The following MICOS10 variants were observed in gnomAD, a reference collection of about 807,000 sequenced individuals.
The protein encoded by MICOS10 is MICOS complex subunit MIC10.
In MICOS10, 5 loss-of-function variants were observed where a neutral mutation model predicts 13.4. That is an observed-to-expected ratio of 0.37 (90% CI 0.20 to 0.78). The LOEUF (loss-of-function observed/expected upper bound fraction) is 0.78. Ranked by LOEUF, MICOS10 falls within the 30% of genes least tolerant of loss-of-function variation. MICOS10 has a pLI of 0.47. For missense variants in MICOS10, 101 were observed against 94.6 expected, an observed-to-expected ratio of 1.07 and a Z score of -0.28; for synonymous variants, 35 against 33.6, an observed-to-expected ratio of 1.04 and a Z score of -0.15.
At chr1:19,597,539 C>G (rs1178960333) in intron 1 of MICOS10, among the ~76,000 whole-genome samples, 1 of 152,204 alleles carries the variant, frequency 6.6e-6, no homozygotes, top group African/African-American at 2.4e-5. Flanking sequence ...AGAAGGTCAC[C>G]TGGAGCATTT....
chr1:19,625,195 TATAAAAACA>T (rs1481838292), intron 3 of MICOS10, among the ~76,000 whole-genome samples: 1 of 152,232 alleles, frequency 6.6e-6, no homozygotes, highest in Non-Finnish European at 1.5e-5. Context: ...GTACGAAATA[TATAAAAACA>T]TTGGTTATTA....
At chr1:19,625,574 T>C in intron 3 of MICOS10, 1 of 1,289,448 alleles carries the variant, frequency 7.8e-7, no homozygotes, top group Non-Finnish European at 1.0e-6. Flanking sequence ...GCTCCTCGCT[T>C]TCCTGGCATC....
chr1:19,620,086 G>C (rs777178337), intron 1 of MICOS10, among the ~76,000 whole-genome samples: 48 of 152,332 alleles, frequency 3.2e-4, no homozygotes, highest in Non-Finnish European at 4.9e-4. Flanking sequence ...AAAATGCTTT[G>C]TACTTTTTCC....
intron 1 of MICOS10, among the ~76,000 whole-genome samples, chr1:19,609,802 T>C (rs920713386): frequency 6.6e-6 from 1 of 152,054 alleles, no homozygotes; most frequent in African/African-American, 2.4e-5. Context: ...ACCAATCTAA[T>C]GAAGTTGAAG....
intron 1 of MICOS10, among the ~76,000 whole-genome samples, chr1:19,614,969 G>C (rs557420264): frequency 6.6e-6 from 1 of 152,248 alleles, no homozygotes; most frequent in Non-Finnish European, 1.5e-5. Context: ...ACAAACTCTG[G>C]CTGTTAAATG....
chr1:19,617,919 G>GTA (rs1337572402), intron 1 of MICOS10, among the ~76,000 whole-genome samples: 4 of 146,110 alleles, frequency 2.7e-5, no homozygotes, highest in African/African-American at 1.0e-4. Flanking sequence ...ATATATATAT[G>GTA]TATATATATA....
chr1:19,600,957 T>A, intron 1 of MICOS10: 1 of 1,289,422 alleles, frequency 7.8e-7, no homozygotes, highest in East Asian at 5.5e-5. Flanking sequence ...CCATGGTGAA[T>A]GCACAGCAAC....
chr1:19,624,099 G>A (rs527960615), intron 3 of MICOS10, among the ~76,000 whole-genome samples: 86 of 152,232 alleles, frequency 5.6e-4, no homozygotes, highest in African/African-American at 2.0e-3. Flanking sequence ...TCCTGCCTCA[G>A]CTTCCTGAGT....
At position 19,600,846 on chromosome 1, in the gene MICOS10, C is replaced by G. The variant is rs934205670; in HGVS notation, c.64+3737C>G. The G allele has an allele frequency of 3.2e-6, 4 of 1,266,030 alleles. No homozygotes were observed. In the African/African-American group the frequency reaches 6.1e-5, roughly 19 times the overall value. The allele number at this position is 1,266,030 out of a possible 1,614,324, so 78.4% of individuals were successfully genotyped here. On this transcript the variant is annotated intron_variant, in intron 1 of 3. Transcript: ENST00000322753. ...TGAACTCAGGGTCCAAACGATCCAC[C>G]TACCTTGGCCTCCCAACGTGCCAGG...
chr1:19,628,132 C>A lies in MICOS10; in HGVS notation c.*1731C>A, dbSNP rs1201355991. ...TGCTCTTGTTGCCCAGGCTGGAGTG[C>A]AATGGTGGCGATCTCGGCCTGCTGC... On this transcript the variant is annotated 3_prime_UTR_variant, in exon 4 of 4. Transcript: ENST00000322753. The A allele has an allele frequency of 6.6e-6, 1 of 152,272 alleles. No individual in the cohort carries two copies. The highest frequency in any genetic ancestry group is 2.4e-5 in the African/African-American group (1 of 41,440). 9.4% of individuals were successfully genotyped at this position (152,272 alleles called of 1,614,324 possible).
At chr1:19,622,967 G>T (rs1004137248) in intron 2 of MICOS10, among the ~76,000 whole-genome samples, 37 of 144,870 alleles carry the variant, frequency 2.6e-4, no homozygotes, top group African/African-American at 9.5e-4. Context: ...CTGTCGCCAG[G>T]CTGGAGTGCA....
intron 1 of MICOS10, among the ~76,000 whole-genome samples, chr1:19,611,861 A>G (rs1043253501): frequency 1.3e-5 from 2 of 149,134 alleles, no homozygotes; most frequent in African/African-American, 2.5e-5. Context: ...AGTCCCAGCT[A>G]TTTGGGAGGC....
chr1:19,600,064 T>A (rs1057235506), intron 1 of MICOS10, among the ~76,000 whole-genome samples: 1 of 152,036 alleles, frequency 6.6e-6, no homozygotes, highest in Non-Finnish European at 1.5e-5. Context: ...TGACGTAATA[T>A]ATTAGGTTGC....
intron 1 of MICOS10, among the ~76,000 whole-genome samples, chr1:19,617,551 C>G (rs1461572335): frequency 6.6e-6 from 1 of 152,184 alleles, no homozygotes; most frequent in Admixed American, 6.5e-5. Flanking sequence ...CAGTTTGAAG[C>G]TGACTTTAAA....
rs2094930136 is a variant in MICOS10 at position 19,628,846 on chromosome 1, G to A, written c.*2445G>A. ...TTAGAAAAATAGGGAGTGGAGAGGG[G>A]CATTGGAATGAAAGTTCTCTATCTC... On this transcript the variant is annotated 3_prime_UTR_variant, in exon 4 of 4. Transcript: ENST00000322753. The A allele has an allele frequency of 6.6e-6, 1 of 152,170 alleles. No individual in the cohort carries two copies. Among genetic ancestry groups the A allele is most frequent in the Non-Finnish European group, 1.5e-5 (1 of 68,036 alleles). 9.4% of individuals were successfully genotyped at this position (152,170 alleles called of 1,614,324 possible).
At chr1:19,618,557 A>G (rs1466786175) in intron 1 of MICOS10, among the ~76,000 whole-genome samples, 24 of 152,106 alleles carry the variant, frequency 1.6e-4, no homozygotes, top group Non-Finnish European at 1.5e-5. Flanking sequence ...GCAACCCTGT[A>G]AGGTTGTTTT....
At chr1:19,597,337 C>G (rs996465408) in intron 1 of MICOS10, among the ~76,000 whole-genome samples, 12 of 152,112 alleles carry the variant, frequency 7.9e-5, no homozygotes, top group African/African-American at 2.4e-5. Flanking sequence ...GGAGTTGCAG[C>G]CCGGAGGAGG....
At chr1:19,618,449 C>A (rs185393160) in intron 1 of MICOS10, among the ~76,000 whole-genome samples, 1 of 152,272 alleles carries the variant, frequency 6.6e-6, no homozygotes, top group East Asian at 1.9e-4. Context: ...GCCTGTATTA[C>A]ACCTCTGAAA....
chr1:19,622,002 A>G (rs2100325968), intron 1 of MICOS10, 98 bp from the exon 2 acceptor site: 1 of 896,198 alleles, frequency 1.1e-6, no homozygotes, highest in Non-Finnish European at 1.7e-6. Context: ...ATTATGAAAA[A>G]AAATCTGTTT....
Sources: allele counts gnomAD v4.1 joint callset (sites outside exome capture counted in the v4.1 genomes callset), GRCh38; gene constraint gnomAD v4.1.1; transcripts MANE v1.5; gene names NCBI Gene and HGNC (gene_info 2026-07-23, HGNC 2026-07-21).